Variants in AMBRA1 observed in about 807,000 individuals in gnomAD.
AMBRA1 encodes the protein autophagy and beclin 1 regulator 1.
A neutral mutation model predicts 125.4 loss-of-function variants in AMBRA1; 47 were observed. That is an observed-to-expected ratio of 0.37 (90% CI 0.30 to 0.48). The LOEUF is 0.48. AMBRA1 is among the 20% of genes least tolerant of loss of function. AMBRA1 has a pLI of 0.99. For missense variants in AMBRA1, 1,331 were observed against 1,693.4 expected (o/e 0.79, Z 3.76); for synonymous variants, 626 against 655.5 (o/e 0.95, Z 0.69).
At chr11:46,456,221 GA>G (rs894782688) in intron 11 of AMBRA1, among the ~76,000 whole-genome samples, 6 of 150,930 alleles carry the variant, frequency 4.0e-5, no homozygotes, top group East Asian at 1.9e-4. Context: ...AAAAATGGGG[GA>G]AAAAAAAACC....
intron 1 of AMBRA1, among the ~76,000 whole-genome samples, chr11:46,580,891 A>T (rs1336743881): frequency 6.6e-6 from 1 of 152,160 alleles, no homozygotes; most frequent in African/African-American, 2.4e-5. Flanking sequence ...TCCGCAGATC[A>T]GATGATCCTC....
rs745699008 is a variant in AMBRA1 at position 46,508,226 on chromosome 11, T to C, written c.2304A>G (p.Ser768=). ...CAAATTCCAAGTCGGTTCCCTCTAC[T>C]GATGGACCCTGGTTGTCTGAGGAAG... The part of the protein sequence containing the change: ...SSSSSDNQGP[S]VEGTDLEFED... The change falls in exon 9 of 18, where the codon TCA becomes TCG. Residue 768 remains serine, a synonymous_variant. Coordinates refer to ENST00000683756, the MANE Select transcript of AMBRA1 (RefSeq NM_001387011.1). The C allele has an allele frequency of 2.3e-5, 37 of 1,614,030 alleles. No individual in the cohort carries two copies. The highest frequency in any genetic ancestry group is 6.7e-5 in the Admixed American group (4 of 60,000).
chr11:46,455,763 C>T (rs1321431667), intron 11 of AMBRA1, among the ~76,000 whole-genome samples: 3 of 152,204 alleles, frequency 2.0e-5, no homozygotes, highest in African/African-American at 7.2e-5. Flanking sequence ...CCAGTGCCAT[C>T]CAGAGTTCAG....
At chr11:46,468,941 C>T (rs1469444254) in intron 11 of AMBRA1, among the ~76,000 whole-genome samples, 3 of 152,032 alleles carry the variant, frequency 2.0e-5, no homozygotes, top group African/African-American at 2.4e-5. Context: ...GTCAGGAATT[C>T]GAGACCAGCC....
chr11:46,399,953 T>C, intron 17 of AMBRA1, among the ~76,000 whole-genome samples: 1 of 152,076 alleles, frequency 6.6e-6, no homozygotes, highest in East Asian at 1.9e-4. Context: ...CTGGGTGACC[T>C]TGAAAAAAAT....
At chr11:46,528,204 G>A (rs375775082) in intron 7 of AMBRA1, among the ~76,000 whole-genome samples, 35 of 151,990 alleles carry the variant, frequency 2.3e-4, no homozygotes, top group Non-Finnish European at 4.6e-4. Context: ...ATGGAGTGTC[G>A]CTTTGTCACC....
At chr11:46,560,647 G>C (rs1245132349) in intron 1 of AMBRA1, among the ~76,000 whole-genome samples, 1 of 152,120 alleles carries the variant, frequency 6.6e-6, no homozygotes, top group African/African-American at 2.4e-5. Flanking sequence ...GAGAACACAA[G>C]AACTCCTAAA....
chr11:46,523,812 A>C (rs997121903), intron 7 of AMBRA1, among the ~76,000 whole-genome samples: 2 of 152,218 alleles, frequency 1.3e-5, no homozygotes, highest in African/African-American at 4.8e-5. Context: ...ATTAACTATC[A>C]TAAGAAGATG....
chr11:46,530,907 G>A (rs1359388154), intron 7 of AMBRA1, among the ~76,000 whole-genome samples: 2 of 152,122 alleles, frequency 1.3e-5, no homozygotes, highest in African/African-American at 2.4e-5. Context: ...TATTTGAGAC[G>A]AATTCTCGCT....
intron 1 of AMBRA1, among the ~76,000 whole-genome samples, chr11:46,582,695 T>C (rs936941270): frequency 6.6e-6 from 1 of 152,186 alleles, no homozygotes; most frequent in Non-Finnish European, 1.5e-5. Context: ...GTGCCACAAC[T>C]GCTACATCAA....
intron 17 of AMBRA1, among the ~76,000 whole-genome samples, chr11:46,407,521 T>A (rs1460328747): frequency 6.6e-6 from 1 of 152,218 alleles, no homozygotes; most frequent in African/African-American, 2.4e-5. Flanking sequence ...GGTTGGCTGC[T>A]CCAGCCAGCA....
chr11:46,475,134 T>G (rs1439473146), intron 11 of AMBRA1, among the ~76,000 whole-genome samples: 2 of 152,224 alleles, frequency 1.3e-5, no homozygotes, highest in African/African-American at 4.8e-5. Context: ...CAAAGTAGAA[T>G]AGCAACCCAA....
intron 14 of AMBRA1, among the ~76,000 whole-genome samples, chr11:46,432,878 G>T (rs77161239): frequency 2.0e-5 from 3 of 152,216 alleles, no homozygotes; most frequent in African/African-American, 7.2e-5. Context: ...ACTCAGGCAC[G>T]TTAGTCTGGC....
chr11:46,489,742 T>C lies in AMBRA1; in HGVS notation c.2521+3866A>G, dbSNP rs567410137. Among the ~76,000 whole-genome samples, 11 of 152,330 alleles carry C rather than the reference T, an allele frequency of 7.2e-5. 1 individual carries two copies. The highest frequency in any genetic ancestry group is 2.6e-4 in the African/African-American group (11 of 41,572). On this transcript the variant is annotated intron_variant, in intron 11 of 17. Transcript: ENST00000683756. ...CTATTCCTCAGAAGTTTTTTGTTCT[T>C]CCAGTAATTACCAGGAAGCTGTCAA...
At chr11:46,475,466 C>T (rs1486873745) in intron 11 of AMBRA1, among the ~76,000 whole-genome samples, 3 of 152,180 alleles carry the variant, frequency 2.0e-5, no homozygotes, top group African/African-American at 2.4e-5. Context: ...TTGCTGTATT[C>T]TTTGATTGAG....
At chr11:46,478,481 A>G (rs78632050) in intron 11 of AMBRA1, among the ~76,000 whole-genome samples, 2,023 of 152,252 alleles carry the variant, frequency 0.013, 48 homozygotes, top group African/African-American at 0.046. Flanking sequence ...ATACAGGGCT[A>G]TATCCTAGAA....
At chr11:46,455,076 T>C (rs1043010029) in intron 11 of AMBRA1, among the ~76,000 whole-genome samples, 1 of 152,102 alleles carries the variant, frequency 6.6e-6, no homozygotes, top group Non-Finnish European at 1.5e-5. Context: ...TTTGTAGATA[T>C]GGGATCTCAG....
chr11:46,397,399 T>C lies in AMBRA1; in HGVS notation c.*51A>G, dbSNP rs1408442930. The stretch of plus-strand genomic sequence containing the variant: ...GTCCAGTTCCCAGTCAGCTGTGAGG[T>C]CCGGTTTCTGCTTGGCGGTTCGAGG... On this transcript the variant is annotated 3_prime_UTR_variant, in exon 18 of 18. Coordinates refer to ENST00000683756, the MANE Select transcript of AMBRA1 (RefSeq NM_001387011.1). 4 of 1,453,446 alleles carry C rather than the reference T, an allele frequency of 2.8e-6. No individual in the cohort carries two copies. The highest frequency in any genetic ancestry group is 3.6e-6 in the Non-Finnish European group (4 of 1,101,630). 90.0% of individuals were successfully genotyped at this position (1,453,446 alleles called of 1,614,324 possible). A position where few individuals can be genotyped will look rare whatever the true frequency, so the allele number is the denominator to read the frequency against.
chr11:46,567,301 A>G (rs2043568161), intron 1 of AMBRA1, among the ~76,000 whole-genome samples: 1 of 151,764 alleles, frequency 6.6e-6, no homozygotes, highest in African/African-American at 2.4e-5. Context: ...CGAACTCCTG[A>G]CCTCTGGAGA....
Sources: gnomAD v4.1 joint callset for allele counts (sites outside exome capture counted in the v4.1 genomes callset) on GRCh38, gnomAD v4.1.1 for gene constraint, MANE v1.5 for transcripts, NCBI Gene and HGNC (gene_info 2026-07-23, HGNC 2026-07-21) for gene names.